ITFG1: variants seen among roughly 807,000 people sequenced by gnomAD.
ITFG1 encodes the protein integrin alpha FG-GAP repeat containing 1.
ITFG1 carries 34 observed loss-of-function variants against 81.8 expected under a neutral mutation model. That is an observed-to-expected ratio of 0.42 (90% CI 0.32 to 0.55). The LOEUF (loss-of-function observed/expected upper bound fraction) is 0.55. Among genes scored for constraint, ITFG1 ranks in the 20% least tolerant of loss-of-function variants. The pLI is 0.17. For synonymous variants in ITFG1, 285 were observed against 270.6 expected (o/e 1.05, Z -0.52); for missense variants, 672 against 755.4 (o/e 0.89, Z 1.29).
In ITFG1 at chr16:47,220,191, C is replaced by T. The variant is rs188651816; in HGVS notation, c.1375-1245G>A. On this transcript the variant is annotated intron_variant, in intron 13 of 17. Transcript: ENST00000320640. ...TATTTGAAGACAAGGTCTAGAAATC[C>T]TGATCCAGTTCCTCTACACAGTGGT... Among the ~76,000 whole-genome samples, 422 of 152,296 alleles carry T rather than the reference C, an allele frequency of 2.8e-3. 1 individual carries two copies. The highest frequency in any genetic ancestry group is 6.6e-3 in the East Asian group (34 of 5,182).
chr16:47,415,693 C>T (rs1449866104), intron 6 of ITFG1, among the ~76,000 whole-genome samples: 1 of 151,980 alleles, frequency 6.6e-6, no homozygotes, highest in Non-Finnish European at 1.5e-5. Context: ...TGATTGGATC[C>T]AATCATCCAA....
intron 10 of ITFG1, among the ~76,000 whole-genome samples, chr16:47,276,753 G>T (rs933409215): frequency 6.6e-6 from 1 of 152,110 alleles, no homozygotes; most frequent in East Asian, 1.9e-4. Context: ...CACAAACGTG[G>T]CATTACAAGT....
intron 8 of ITFG1, among the ~76,000 whole-genome samples, chr16:47,338,528 TAG>T (rs1208848627): frequency 2.0e-5 from 3 of 152,024 alleles, no homozygotes; most frequent in Admixed American, 6.5e-5. Context: ...ATGTTCGGTT[TAG>T]AGCAAAAAAA....
rs1416018218 is a variant in ITFG1 at position 47,243,859 on chromosome 16, C to T, written c.1331-5851G>A. The stretch of plus-strand genomic sequence containing the variant: ...CAGCCTGGCCAACATGGTGAAACTC[C>T]GTTTGTACTAAAAATACAAAAATCA... On this transcript the variant is annotated intron_variant, in intron 12 of 17. Coordinates refer to ENST00000320640, the MANE Select transcript of ITFG1 (RefSeq NM_030790.5). Among the ~76,000 whole-genome samples, 8 of 152,204 alleles carry T rather than the reference C, an allele frequency of 5.3e-5. No individual in the cohort carries two copies. The East Asian group carries it at 7.7e-4, about 15-fold the overall frequency.
intron 14 of ITFG1, among the ~76,000 whole-genome samples, chr16:47,193,107 G>A (rs573708900): frequency 1.3e-5 from 2 of 151,884 alleles, no homozygotes; most frequent in South Asian, 2.1e-4. Flanking sequence ...TTTTTTTGGT[G>A]AGGATAAGAG....
At chr16:47,186,704 A>T (rs1443873015) in intron 14 of ITFG1, among the ~76,000 whole-genome samples, 1 of 152,230 alleles carries the variant, frequency 6.6e-6, no homozygotes, top group East Asian at 1.9e-4. Flanking sequence ...CAGGCACAAG[A>T]CAGGGATGCC....
chr16:47,211,725 T>C (rs1965563127), intron 14 of ITFG1, among the ~76,000 whole-genome samples: 1 of 152,204 alleles, frequency 6.6e-6, no homozygotes, highest in African/African-American at 2.4e-5. Flanking sequence ...CATGAATAGT[T>C]TAAACTTCAG....
intron 14 of ITFG1, among the ~76,000 whole-genome samples, chr16:47,187,834 A>C (rs1965241262): frequency 6.6e-6 from 1 of 152,150 alleles, no homozygotes. Context: ...CAACCTACAA[A>C]ATGGGAGAAA....
chr16:47,324,738 G>A (rs1207766241), intron 8 of ITFG1, among the ~76,000 whole-genome samples: 1 of 152,104 alleles, frequency 6.6e-6, no homozygotes, highest in African/African-American at 2.4e-5. Context: ...AGACAAAGAA[G>A]GCCACTACAT....
At chr16:47,444,067 G>C (rs908766449) in intron 5 of ITFG1, among the ~76,000 whole-genome samples, 2 of 152,096 alleles carry the variant, frequency 1.3e-5, no homozygotes, top group Non-Finnish European at 2.9e-5. Context: ...GCGAGAATGA[G>C]TGTGACCTTG....
At chr16:47,245,644 A>G (rs1965992175) in intron 12 of ITFG1, among the ~76,000 whole-genome samples, 1 of 152,198 alleles carries the variant, frequency 6.6e-6, no homozygotes, top group African/African-American at 2.4e-5. Flanking sequence ...TCTGGGTTCA[A>G]TCTGAAAGCT....
chr16:47,406,567 C>G (rs1296465067), intron 6 of ITFG1, among the ~76,000 whole-genome samples: 1 of 152,186 alleles, frequency 6.6e-6, no homozygotes, highest in Non-Finnish European at 1.5e-5. Context: ...CAACAGGTAT[C>G]TGTCAAGTCC....
intron 11 of ITFG1, among the ~76,000 whole-genome samples, chr16:47,258,947 G>A (rs1966173353): frequency 6.6e-6 from 1 of 152,134 alleles, no homozygotes; most frequent in Admixed American, 6.6e-5. Context: ...AAAAACATCT[G>A]TAATTTTAGT....
At chr16:47,241,671 C>G (rs911230580) in intron 12 of ITFG1, among the ~76,000 whole-genome samples, 2 of 152,054 alleles carry the variant, frequency 1.3e-5, no homozygotes, top group African/African-American at 4.8e-5. Context: ...GAGTGACAGA[C>G]AAGGCCGGGC....
chr16:47,276,006 A>G (rs968753019), intron 10 of ITFG1, among the ~76,000 whole-genome samples: 3 of 152,148 alleles, frequency 2.0e-5, no homozygotes, highest in African/African-American at 7.2e-5. Context: ...GAACAAGTCA[A>G]TGATACCAAA....
chr16:47,341,091 G>A (rs553488032), intron 8 of ITFG1, among the ~76,000 whole-genome samples: 7 of 151,940 alleles, frequency 4.6e-5, no homozygotes, highest in African/African-American at 1.7e-4. Flanking sequence ...AACAACCAAT[G>A]GGTCAAAGAA....
intron 6 of ITFG1, among the ~76,000 whole-genome samples, chr16:47,393,638 T>C (rs1968559805): frequency 6.6e-6 from 1 of 151,684 alleles, no homozygotes; most frequent in South Asian, 2.1e-4. Flanking sequence ...GGCTGAGGCA[T>C]AAGAATCACT....
At chr16:47,373,971 A>G (rs1968292506) in intron 7 of ITFG1, among the ~76,000 whole-genome samples, 1 of 152,246 alleles carries the variant, frequency 6.6e-6, no homozygotes, top group South Asian at 2.1e-4. Context: ...CTAATGATTA[A>G]CTATTGTTAC....
At chr16:47,446,073 C>T (rs1452750455) in intron 5 of ITFG1, among the ~76,000 whole-genome samples, 1 of 152,116 alleles carries the variant, frequency 6.6e-6, no homozygotes, top group Non-Finnish European at 1.5e-5. Flanking sequence ...AAAAAAGAGG[C>T]AACTGATGTT....
Sources: gnomAD v4.1 joint callset for allele counts (sites outside exome capture counted in the v4.1 genomes callset) on GRCh38, gnomAD v4.1.1 for gene constraint, MANE v1.5 for transcripts, NCBI Gene and HGNC (gene_info 2026-07-23, HGNC 2026-07-21) for gene names.